ORC5: variants seen among roughly 807,000 people sequenced by gnomAD.
ORC5 encodes protein phosphatase 1, regulatory subunit 117.
A neutral mutation model predicts 58.8 loss-of-function variants in ORC5; 39 were observed. That is an observed-to-expected ratio of 0.66 (90% CI 0.51 to 0.87). The LOEUF is 0.87. ORC5 is among the 40% of genes least tolerant of loss of function. The pLI is 0.00. For missense variants in ORC5, 493 were observed against 506.3 expected (o/e 0.97, Z 0.25); for synonymous variants, 218 against 177.6 (o/e 1.23, Z -1.81).
At chr7:104,189,104 C>A (rs1799615213) in intron 5 of ORC5, among the ~76,000 whole-genome samples, 1 of 152,088 alleles carries the variant, frequency 6.6e-6, no homozygotes, top group Non-Finnish European at 1.5e-5. Flanking sequence ...TAGATAGCTT[C>A]AGGATGGGGA....
chr7:104,146,095 T>C (rs2115790652), intron 12 of ORC5, among the ~76,000 whole-genome samples: 1 of 152,320 alleles, frequency 6.6e-6, no homozygotes, highest in Non-Finnish European at 1.5e-5. Context: ...AAAGAGGAGA[T>C]TTGTGGATAA....
chr7:104,182,745 T>G (rs1462209670), intron 8 of ORC5, among the ~76,000 whole-genome samples: 1 of 152,196 alleles, frequency 6.6e-6, no homozygotes, highest in African/African-American at 2.4e-5. Context: ...AAGCGGAGGT[T>G]CACAGTTCAA....
At chr7:104,127,162 A>G (rs1798442149) in intron 13 of ORC5, among the ~76,000 whole-genome samples, 1 of 152,068 alleles carries the variant, frequency 6.6e-6, no homozygotes, top group Admixed American at 6.5e-5. Context: ...TATGTACTTC[A>G]ATTGTACTAC....
chr7:104,127,717 A>T (rs1321740909), intron 13 of ORC5, among the ~76,000 whole-genome samples: 1 of 152,250 alleles, frequency 6.6e-6, no homozygotes, highest in Admixed American at 6.5e-5. Flanking sequence ...ATCATCAATT[A>T]ATGTTTTTGT....
At chr7:104,187,718 T>C in intron 6 of ORC5, 4 of 944,466 alleles carry the variant, frequency 4.2e-6, no homozygotes, top group Non-Finnish European at 3.8e-6. Flanking sequence ...ATTCTAATTG[T>C]TAAAAAAAAA....
chr7:104,168,608 T>A, intron 8 of ORC5, 83 bp from the exon 9 acceptor site: 1 of 692,182 alleles, frequency 1.4e-6, no homozygotes, highest in South Asian at 3.2e-5. Context: ...CTAGAAAAAC[T>A]AAATTTTTTT....
intron 5 of ORC5, among the ~76,000 whole-genome samples, chr7:104,190,602 A>C (rs1269182958): frequency 6.6e-6 from 1 of 152,072 alleles, no homozygotes; most frequent in Non-Finnish European, 1.5e-5. Flanking sequence ...ACAACCATAT[A>C]TTATTCAAAA....
intron 8 of ORC5, among the ~76,000 whole-genome samples, chr7:104,170,356 T>C (rs1799189755): frequency 1.3e-5 from 2 of 152,178 alleles, no homozygotes; most frequent in South Asian, 4.1e-4. Context: ...TTAGCAGATG[T>C]GACTGAGTTA....
intron 6 of ORC5, among the ~76,000 whole-genome samples, chr7:104,185,390 G>T (rs1205635756): frequency 6.6e-6 from 1 of 151,802 alleles, no homozygotes; most frequent in East Asian, 1.9e-4. Flanking sequence ...AGCATAATTT[G>T]TTCTTTTAGG....
chr7:104,183,360 C>T (rs1344897073), intron 8 of ORC5, among the ~76,000 whole-genome samples: 1 of 152,132 alleles, frequency 6.6e-6, no homozygotes, highest in African/African-American at 2.4e-5. Flanking sequence ...CAACCCAGGA[C>T]AGCTCCGTTC....
At chr7:104,202,638 T>A in intron 2 of ORC5, 1 of 392,834 alleles carries the variant, frequency 2.5e-6, no homozygotes. Context: ...AGTCCTTAAA[T>A]ATGAAACTTC....
rs777185528 is a variant in ORC5, at chr7:104,195,159, G to A, written c.537C>T (p.Phe179=). The change falls in exon 5 of 14, where the codon TTC becomes TTT. Residue 179 remains phenylalanine (F), a synonymous_variant. Coordinates refer to ENST00000297431, the MANE Select transcript of ORC5 (RefSeq NM_002553.4). ...AAGGTTTACCTATGCTGTAATCAGGGAAATATAAGACAAACGGCTCAAAGC... is the reference window on the plus strand; with the variant it reads ...AAGGTTTACCTATGCTGTAATCAGGAAAATATAAGACAAACGGCTCAAAGC... The part of the protein sequence containing the change: ...TGCFEPFVLY[F]PDYSIGNLQK... 6.4e-7 allele frequency: 1 copy of A among 1,554,248 alleles called. No individual in the cohort carries two copies. Among genetic ancestry groups the A allele is most frequent in the Non-Finnish European group, 8.7e-7 (1 of 1,152,314 alleles).
chr7:104,179,276 T>C (rs1474507382), intron 8 of ORC5, among the ~76,000 whole-genome samples: 1 of 152,064 alleles, frequency 6.6e-6, no homozygotes, highest in East Asian at 1.9e-4. Flanking sequence ...TGAGAAATAA[T>C]TTTGTGTGGT....
At chr7:104,189,968 G>A (rs1799637390) in intron 5 of ORC5, among the ~76,000 whole-genome samples, 1 of 152,102 alleles carries the variant, frequency 6.6e-6, no homozygotes, top group Admixed American at 6.5e-5. Flanking sequence ...TAACTTGTGA[G>A]GTCTGCACTA....
At position 104,129,246 on chromosome 7, in the gene ORC5, TAACAG is replaced by T. The variant is rs1348501520; in HGVS notation, c.1263-2358_1263-2354del. Among the ~76,000 whole-genome samples, 1 of 152,276 alleles carries T rather than the reference TAACAG, an allele frequency of 6.6e-6. No individual in the cohort carries two copies. On this transcript the variant is annotated intron_variant, in intron 13 of 13. Transcript: ENST00000297431. The surrounding 1 kb of genome is among the most constrained non-coding windows in gnomAD (Gnocchi z 4.9). ...TAGAATAGTTTGTACAATAAATAAA[TAACAG>T]AACAGACTTAATAGAATGAATGGAG...
chr7:104,192,940 A>G (rs1799708696), intron 5 of ORC5, among the ~76,000 whole-genome samples: 1 of 151,990 alleles, frequency 6.6e-6, no homozygotes, highest in African/African-American at 2.4e-5. Flanking sequence ...ACACACACAC[A>G]CAGATTTAAA....
intron 8 of ORC5, among the ~76,000 whole-genome samples, chr7:104,174,166 T>TA (rs1414779280): frequency 1.3e-5 from 2 of 152,150 alleles, no homozygotes; most frequent in Non-Finnish European, 2.9e-5. Flanking sequence ...TGAATACTCT[T>TA]ATCTTGGTTT....
Position 104,188,195 on chromosome 7 carries a change from T to TAC in ORC5, c.684+54_684+55dup, listed in dbSNP as rs34643155. On this transcript the variant is annotated intron_variant, in intron 6 of 13. Transcript: ENST00000297431. ...AAATACATATATACACATATATGTATACACACACACACACACACACACATA... is the reference window on the plus strand; with the variant it reads ...AAATACATATATACACATATATGTATACACACACACACACACACACACACATA... 27,323 of 1,009,492 alleles carry TAC rather than the reference T, an allele frequency of 0.027. 2,000 individuals carry two copies. The African/African-American group carries it at 0.28, about 10-fold the overall frequency. The allele number at this position is 1,009,492 out of a possible 1,614,324, so 62.5% of individuals were successfully genotyped here.
chr7:104,206,487 C>G (rs1800087022), intron 1 of ORC5, among the ~76,000 whole-genome samples: 1 of 152,130 alleles, frequency 6.6e-6, no homozygotes, highest in Non-Finnish European at 1.5e-5. Context: ...GATCTGCGTT[C>G]CATAGATGAA....
Sources: allele counts gnomAD v4.1 joint callset (sites outside exome capture counted in the v4.1 genomes callset), GRCh38; gene constraint gnomAD v4.1.1; non-coding constraint Gnocchi (gnomAD v3.1); transcripts MANE v1.5; gene names NCBI Gene and HGNC (gene_info 2026-07-23, HGNC 2026-07-21).